CHL1: variants seen among roughly 807,000 people sequenced by gnomAD.
CHL1 encodes cell adhesion molecule L1 like, also known as neural cell adhesion molecule L1-like protein.
A neutral mutation model predicts 141.9 loss-of-function variants in CHL1; 96 were observed. The observed-to-expected ratio is 0.68, with a 90% CI of 0.57 to 0.80. CHL1 has a LOEUF of 0.80. CHL1 is among the 30% of genes least tolerant of loss of function. The probability of loss-of-function intolerance (pLI) is 0.00; values close to 1 mark genes in which losing one functional copy is unlikely to be tolerated. For synonymous variants in CHL1, 613 were observed against 502.2 expected (o/e 1.22, Z -2.95); for missense variants, 1,820 against 1,457.2 (o/e 1.25, Z -4.05).
At chr3:226,953 T>C (rs1238581178) in intron 1 of CHL1, among the ~76,000 whole-genome samples, 2 of 152,146 alleles carry the variant, frequency 1.3e-5, no homozygotes, top group Non-Finnish European at 2.9e-5. Context: ...AATGGAAAGT[T>C]TTTGCTAAAA....
In CHL1 at chr3:326,082, C is replaced by A; in HGVS notation, c.197+18C>A. 6.7e-7 allele frequency: 1 copy of A among 1,489,436 alleles called. No individual in the cohort carries two copies. The highest frequency in any genetic ancestry group is 1.1e-5 in the South Asian group (1 of 87,512). 92.3% of individuals were successfully genotyped at this position (1,489,436 alleles called of 1,614,324 possible). A position where few individuals can be genotyped will look rare whatever the true frequency, so the allele number is the denominator to read the frequency against. On this transcript the variant is annotated intron_variant, in intron 4 of 27. Coordinates refer to ENST00000256509, the MANE Select transcript of CHL1 (RefSeq NM_006614.4). ...GAACCAACGTGAGTATTGTTTCAAA[C>A]GAAGTGGTTCTTTAAATGCGTGCTG...
At chr3:271,328 A>G (rs1220821969) in intron 2 of CHL1, among the ~76,000 whole-genome samples, 1 of 152,126 alleles carries the variant, frequency 6.6e-6, no homozygotes, top group Non-Finnish European at 1.5e-5. Context: ...AGTTCCAGGT[A>G]CTCAGGAGGC....
rs755167634 is a variant in CHL1, at chr3:328,320, C to T, written c.351C>T (p.Ile117=). The T allele has an allele frequency of 4.3e-6, 7 of 1,611,356 alleles. No homozygotes were observed. The highest frequency in any genetic ancestry group is 3.3e-5 in the Admixed American group (2 of 59,706). Residue 117 remains isoleucine (I), a synonymous_variant, in exon 5 of 28, where the codon ATC becomes ATT. Coordinates refer to ENST00000256509, the MANE Select transcript of CHL1 (RefSeq NM_006614.4). Reference sequence around the variant, plus strand: ...GCTTTGCTTCAAATAAACTGGGAATCGCTATGTCAGAAGAAATAGAATTTA... The same window carrying T: ...GCTTTGCTTCAAATAAACTGGGAATTGCTATGTCAGAAGAAATAGAATTTA... The part of the protein sequence containing the change: ...YRCFASNKLG[I]AMSEEIEFIV...
chr3:278,127 A>G (rs1315150031), intron 2 of CHL1, among the ~76,000 whole-genome samples: 1 of 152,228 alleles, frequency 6.6e-6, no homozygotes, highest in African/African-American at 2.4e-5. Flanking sequence ...AAAATAGAAT[A>G]CTGAATACTT....
chr3:263,139 A>T (rs528539634), intron 2 of CHL1, among the ~76,000 whole-genome samples: 9 of 152,302 alleles, frequency 5.9e-5, no homozygotes, highest in South Asian at 4.2e-4. Flanking sequence ...TGAAATCCAG[A>T]TGTGCCAGCA....
intron 11 of CHL1, 73 bp from the exon 12 acceptor site, chr3:360,211 A>G: frequency 6.5e-7 from 1 of 1,527,000 alleles, no homozygotes; most frequent in Non-Finnish European, 9.0e-7. Flanking sequence ...ACTGTGTGAC[A>G]CATTTAATAA....
chr3:324,072 C>A (rs769288706), intron 3 of CHL1, among the ~76,000 whole-genome samples: 7 of 152,058 alleles, frequency 4.6e-5, no homozygotes, highest in Admixed American at 3.3e-4. Flanking sequence ...GTTAGCTATA[C>A]CCCACATGAA....
intron 1 of CHL1, among the ~76,000 whole-genome samples, 184 bp from the exon 2 acceptor site, chr3:244,429 C>T (rs752178236): frequency 7.9e-5 from 12 of 152,082 alleles, no homozygotes; most frequent in Non-Finnish European, 1.0e-4. Context: ...GACAGAAATT[C>T]GCAGGACCCC....
chr3:310,527 C>T (rs1200903255), intron 2 of CHL1, among the ~76,000 whole-genome samples: 1 of 152,100 alleles, frequency 6.6e-6, no homozygotes, highest in Non-Finnish European at 1.5e-5. Flanking sequence ...AGAAATCTGT[C>T]ATATATTATT....
At chr3:213,093 C>T (rs576333393) in intron 1 of CHL1, 1 of 152,094 alleles carries the variant, frequency 6.6e-6, no homozygotes, top group Non-Finnish European at 1.5e-5. Context: ...TGTGCCTGCC[C>T]CAGACTCTGG....
intron 1 of CHL1, among the ~76,000 whole-genome samples, chr3:227,423 C>A (rs1268979788): frequency 1.3e-5 from 2 of 152,166 alleles, no homozygotes; most frequent in African/African-American, 2.4e-5. Flanking sequence ...AACATATGAA[C>A]AGAAAACCTC....
At chr3:370,424 T>G (rs1336965025) in intron 15 of CHL1, among the ~76,000 whole-genome samples, 3 of 152,164 alleles carry the variant, frequency 2.0e-5, no homozygotes, top group Non-Finnish European at 2.9e-5. Flanking sequence ...TTTGCATTTC[T>G]GTGGGGTCAG....
intron 2 of CHL1, among the ~76,000 whole-genome samples, chr3:245,876 G>A (rs899557675): frequency 2.0e-5 from 3 of 152,046 alleles, no homozygotes; most frequent in African/African-American, 7.2e-5. Flanking sequence ...CTCATCCACT[G>A]GAGTGGTTTT....
chr3:341,904 C>T lies in CHL1; in HGVS notation c.509-8C>T. The T allele has an allele frequency of 6.4e-7, 1 of 1,572,648 alleles. No homozygotes were observed. The highest frequency in any genetic ancestry group is 8.7e-7 in the Non-Finnish European group (1 of 1,150,784). ...TGCCCTTTTCAATGGCAAGATATCTCTTTTCAGAATTAGAACACATCGAAC... is the reference window on the plus strand; with the variant it reads ...TGCCCTTTTCAATGGCAAGATATCTTTTTTCAGAATTAGAACACATCGAAC... On this transcript the variant is annotated splice_region_variant and splice_polypyrimidine_tract_variant and intron_variant, in intron 6 of 27. Coordinates refer to ENST00000256509, the MANE Select transcript of CHL1 (RefSeq NM_006614.4).
chr3:209,475 A>G (rs1447157137), intron 1 of CHL1, among the ~76,000 whole-genome samples: 3 of 152,226 alleles, frequency 2.0e-5, no homozygotes, highest in African/African-American at 7.2e-5. Flanking sequence ...AGTTCAGATC[A>G]TTTATCTGAA....
At chr3:336,175 G>T (rs1201344437) in intron 5 of CHL1, among the ~76,000 whole-genome samples, 1 of 152,118 alleles carries the variant, frequency 6.6e-6, no homozygotes. Flanking sequence ...TCTGTACTTT[G>T]AGACTCAGGT....
chr3:198,545 C>G (rs12492566), intron 1 of CHL1, among the ~76,000 whole-genome samples: 51,955 of 152,080 alleles, frequency 0.34, 10,937 homozygotes, highest in East Asian at 0.56. Context: ...GTTTCCCTTT[C>G]TCAATAATAC....
At chr3:298,124 C>T (rs1698371892) in intron 2 of CHL1, among the ~76,000 whole-genome samples, 1 of 152,158 alleles carries the variant, frequency 6.6e-6, no homozygotes. Context: ...GACAACATAT[C>T]AACATATGAA....
At position 349,343 on chromosome 3, in the gene CHL1, T is replaced by C. The variant is rs1703045693; in HGVS notation, c.849-16T>C. The C allele has an allele frequency of 6.3e-7, 1 of 1,599,334 alleles. No individual in the cohort carries two copies. The highest frequency in any genetic ancestry group is 2.3e-5 in the East Asian group (1 of 44,376). ...GCTTTTAAAAAAATGTTTATTTATT[T>C]AACTATTTTTTGCAGGCCAACTCCA... On this transcript the variant is annotated splice_polypyrimidine_tract_variant and intron_variant, in intron 9 of 27. Transcript: ENST00000256509.
Sources: gnomAD v4.1 joint callset for allele counts (sites outside exome capture counted in the v4.1 genomes callset) on GRCh38, gnomAD v4.1.1 for gene constraint, MANE v1.5 for transcripts, NCBI Gene and HGNC (gene_info 2026-07-23, HGNC 2026-07-21) for gene names.